The following RPL4 variants were observed in gnomAD, a reference collection of about 807,000 sequenced individuals.
RPL4 encodes the protein ribosomal protein L4.
In RPL4, 3 loss-of-function variants were observed where a neutral mutation model predicts 47.7. The observed-to-expected ratio is 0.06, with a 90% CI of 0.03 to 0.16. The LOEUF (loss-of-function observed/expected upper bound fraction) is 0.16. RPL4 is among the 10% of genes least tolerant of loss of function. The probability of loss-of-function intolerance (pLI) is 1.00; values close to 1 mark genes in which losing one functional copy is unlikely to be tolerated. For synonymous variants in RPL4, 208 were observed against 182.1 expected (o/e 1.14, Z -1.15); for missense variants, 413 against 551.3 (o/e 0.75, Z 2.51).
chr15:66,502,387 CAT>C (rs1291618926), intron 4 of RPL4: 12 of 541,526 alleles, frequency 2.2e-5, no homozygotes, highest in Non-Finnish European at 3.5e-5. Context: ...CGGTATGTAA[CAT>C]GTATTTCTGG....
At chr15:66,501,653 C>T in intron 5 of RPL4, 135 bp downstream of exon 5, 2 of 1,498,720 alleles carry the variant, frequency 1.3e-6, no homozygotes, top group Non-Finnish European at 1.8e-6. Flanking sequence ...AGGATTCAAA[C>T]CCAAGTAATC....
rs762509046 is a variant in RPL4, at chr15:66,500,969, A to C, written c.813T>G (p.Ala271=). ...DELYGTWRKA[A]SLKSNYNLPM... is the part of the protein sequence containing the mutation. ...CTTACTTGTAGTTACTCTTGAGGGAAGCGGCTTTACGCCAAGTGCCGTACA... is the reference window on the plus strand; with the variant it reads ...CTTACTTGTAGTTACTCTTGAGGGACGCGGCTTTACGCCAAGTGCCGTACA... The change falls in exon 7 of 10, where the codon GCT becomes GCG. Residue 271 remains alanine, a synonymous_variant. Transcript: ENST00000307961. 67 of 1,613,830 alleles carry C rather than the reference A, an allele frequency of 4.2e-5. No individual in the cohort carries two copies. The highest frequency in any genetic ancestry group is 5.2e-5 in the Non-Finnish European group (61 of 1,179,856).
chr15:66,501,706 A>G, intron 5 of RPL4, 82 bp downstream of exon 5: 2 of 1,572,688 alleles, frequency 1.3e-6, no homozygotes, highest in Non-Finnish European at 1.7e-6. Flanking sequence ...AGGATTAGCT[A>G]TACTGCCCTT....
At position 66,498,073 on chromosome 15, in the gene RPL4, G is replaced by A. The variant is rs1349695170; in HGVS notation, c.*1334C>T. On this transcript the variant is annotated 3_prime_UTR_variant, in exon 10 of 10. Coordinates refer to ENST00000307961, the MANE Select transcript of RPL4 (RefSeq NM_000968.4). ...TTTGCGCACCAAGTGGTCAAACACC[G>A]TTTCAAATGACCGGGTGAACAGCAC... The A allele has an allele frequency of 6.7e-6, 2 of 299,512 alleles. No homozygotes were observed. The highest frequency in any genetic ancestry group is 6.1e-5 in the South Asian group (1 of 16,406). The allele number at this position is 299,512 out of a possible 1,614,324, so 18.6% of individuals were successfully genotyped here. A position where few individuals can be genotyped will look rare whatever the true frequency, so the allele number is the denominator to read the frequency against.
intron 7 of RPL4, 132 bp downstream of exon 7, chr15:66,500,817 T>C (rs113899093): frequency 9.4e-7 from 1 of 1,069,256 alleles, no homozygotes. Flanking sequence ...ATAGACCAGG[T>C]GAGTCTCATT....
Position 66,501,120 on chromosome 15 carries a change from GA to G in RPL4, c.677-16del. The G allele has an allele frequency of 5.0e-6, 8 of 1,606,914 alleles. No individual in the cohort carries two copies. Among genetic ancestry groups the G allele is most frequent in the Non-Finnish European group, 6.8e-6 (8 of 1,178,080 alleles). On this transcript the variant is annotated splice_polypyrimidine_tract_variant and intron_variant, in intron 6 of 9. Transcript: ENST00000307961. ...CAGAGTAATTCCTTTTAAAGGGAAA[GA>G]AAAATTAGGGAGCCTGTATTCCAAC...
Position 66,499,495 on chromosome 15 carries a change from T to A in RPL4, c.1196A>T (p.Lys399Ile). The change falls in exon 10 of 10, where the codon AAA (lysine) becomes ATA (isoleucine). Residue 399 changes from lysine (K) to isoleucine (I), a missense_variant. This residue lies in a region of RPL4 where 134 missense variants were observed against 122.7 expected (regional missense o/e 1.09). Transcript: ENST00000307961. ...TGGTTTCTTGGTAGCTGCTGCCTTT[T>A]TTCCCACCAGAGGCTTCTTCTGCTT... is the stretch of plus-strand genomic sequence containing the variant. ...VKKQKKPLVGKKAAATKKPAP... is the reference protein window; with the variant it reads ...VKKQKKPLVGIKAAATKKPAP... The A allele has an allele frequency of 6.2e-7, 1 of 1,612,100 alleles. No homozygotes were observed.
rs1439572973 is a variant in RPL4, at chr15:66,502,482, C to A, written c.421+130G>T. On this transcript the variant is annotated intron_variant, in intron 4 of 9. Transcript: ENST00000307961. ...TATCCATGAACTAAAATATTTTATG[C>A]TAAAAACATTCAAATTATTCTCTTC... 5.0e-6 allele frequency: 5 copies of A among 1,001,554 alleles called. No homozygotes were observed. The South Asian group carries it at 5.4e-5, about 11-fold the overall frequency. The allele number at this position is 1,001,554 out of a possible 1,614,324, so 62.0% of individuals were successfully genotyped here.
intron 8 of RPL4, 37 bp downstream of exon 8, chr15:66,500,256 G>A: frequency 6.2e-7 from 1 of 1,613,782 alleles, no homozygotes; most frequent in Non-Finnish European, 8.5e-7. Context: ...AATAGTATAG[G>A]GTTGGGGCGA....
chr15:66,504,219 C>G (rs1893696615), intron 1 of RPL4, among the ~76,000 whole-genome samples: 1 of 152,204 alleles, frequency 6.6e-6, no homozygotes, highest in Non-Finnish European at 1.5e-5. Flanking sequence ...ATGTTTTCAT[C>G]TCTTACTACC....
chr15:66,499,736 CA>C, intron 9 of RPL4, 84 bp from the exon 10 acceptor site: 1 of 1,579,460 alleles, frequency 6.3e-7, no homozygotes, highest in South Asian at 1.2e-5. Context: ...AAAAACAAAA[CA>C]AACCAGCCGG....
chr15:66,501,114 G>A lies in RPL4; in HGVS notation c.677-9C>T, dbSNP rs1215435410. The stretch of plus-strand genomic sequence containing the variant: ...ATTAAGCAGAGTAATTCCTTTTAAA[G>A]GGAAAGAAAAATTAGGGAGCCTGTA... On this transcript the variant is annotated splice_polypyrimidine_tract_variant and intron_variant, in intron 6 of 9. Coordinates refer to ENST00000307961, the MANE Select transcript of RPL4 (RefSeq NM_000968.4). The A allele has an allele frequency of 1.9e-6, 3 of 1,607,850 alleles. No individual in the cohort carries two copies. Among genetic ancestry groups the A allele is most frequent in the East Asian group, 4.5e-5 (2 of 44,862 alleles).
At chr15:66,502,778 C>A (rs780387686) in intron 3 of RPL4, 28 bp from the exon 4 acceptor site, 8 of 1,613,950 alleles carry the variant, frequency 5.0e-6, no homozygotes, top group Non-Finnish European at 6.8e-6. Context: ...AATCACATTT[C>A]TCAAATTTTA....
At chr15:66,503,286 A>G in intron 2 of RPL4, 72 bp downstream of exon 2, 1 of 1,597,008 alleles carries the variant, frequency 6.3e-7, no homozygotes, top group Non-Finnish European at 8.6e-7. Flanking sequence ...AGAAACACGG[A>G]CCAATGAAGT....
intron 9 of RPL4, 46 bp from the exon 10 acceptor site, chr15:66,499,698 G>C (rs371595981): frequency 1.9e-6 from 3 of 1,607,350 alleles, no homozygotes; most frequent in Non-Finnish European, 2.5e-6. Context: ...ATCCCTGTAA[G>C]AACTTAATGT....
chr15:66,499,116 T>C lies in RPL4; in HGVS notation c.*291A>G. 3.3e-6 allele frequency: 1 copy of C among 303,966 alleles called. No individual in the cohort carries two copies. The highest frequency in any genetic ancestry group is 6.1e-6 in the Non-Finnish European group (1 of 163,282). 18.8% of individuals were successfully genotyped at this position (303,966 alleles called of 1,614,324 possible). A position where few individuals can be genotyped will look rare whatever the true frequency, so the allele number is the denominator to read the frequency against. Reference sequence around the variant, plus strand: ...CCTCTGCGTTTCTGACCAAGTCCTGTTACACCTATTTTTCAAGCCACATTA... The same window carrying C: ...CCTCTGCGTTTCTGACCAAGTCCTGCTACACCTATTTTTCAAGCCACATTA... On this transcript the variant is annotated 3_prime_UTR_variant, in exon 10 of 10. Coordinates refer to ENST00000307961, the MANE Select transcript of RPL4 (RefSeq NM_000968.4).
rs958554382 is a variant in RPL4 at position 66,499,107 on chromosome 15, C to G, written c.*300G>C. 2 of 273,006 alleles carry G rather than the reference C, an allele frequency of 7.3e-6. No homozygotes were observed. Among genetic ancestry groups the G allele is most frequent in the East Asian group, 8.4e-5 (1 of 11,890 alleles). The allele number at this position is 273,006 out of a possible 1,614,324, so 16.9% of individuals were successfully genotyped here. ...CTTGAACAGCCTCTGCGTTTCTGAC[C>G]AAGTCCTGTTACACCTATTTTTCAA... On this transcript the variant is annotated 3_prime_UTR_variant, in exon 10 of 10. Transcript: ENST00000307961.
intron 9 of RPL4, 25 bp from the exon 10 acceptor site, chr15:66,499,677 G>T (rs774267744): frequency 3.7e-6 from 6 of 1,612,410 alleles, no homozygotes; most frequent in African/African-American, 2.7e-5. Flanking sequence ...GCAGAAAACA[G>T]TAAGAATCAA....
In RPL4 at chr15:66,503,414, A is replaced by G. The variant is rs1893667759; in HGVS notation, c.119T>C (p.Val40Ala). The change falls in exon 2 of 10, where the codon GTT becomes GCT. Residue 40 changes from valine (V) to alanine (A), a missense_variant. Transcript: ENST00000307961. ...APIRPDIVNF[V>A]HTNLRKNNRQ... is the part of the protein sequence containing the mutation. ...GTTGTTTTTGCGCAAGTTGGTGTGA[A>G]CAAAGTTCACAATATCTGGTCGAAT... The G allele has an allele frequency of 6.2e-7, 1 of 1,612,026 alleles. No individual in the cohort carries two copies. Among genetic ancestry groups the G allele is most frequent in the Non-Finnish European group, 8.5e-7 (1 of 1,178,232 alleles).
Sources: allele counts gnomAD v4.1 joint callset (sites outside exome capture counted in the v4.1 genomes callset), GRCh38; gene constraint gnomAD v4.1.1; regional missense constraint gnomAD v4.1.1; transcripts MANE v1.5; gene names NCBI Gene and HGNC (gene_info 2026-07-23, HGNC 2026-07-21).